Variants in VAV2 observed in about 807,000 individuals in gnomAD.
VAV2 encodes the protein vav guanine nucleotide exchange factor 2, also known as guanine nucleotide exchange factor VAV2.
A neutral mutation model predicts 132.5 loss-of-function variants in VAV2; 67 were observed. The ratio of observed to expected loss-of-function variants is 0.51; its 90% CI spans 0.42 to 0.62. The LOEUF (loss-of-function observed/expected upper bound fraction) is 0.62, where lower values mean the gene tolerates loss of function less well. VAV2 is among the 20% of genes least tolerant of loss of function. The pLI is 0.00. For missense variants in VAV2, 938 were observed against 1,153.6 expected (o/e 0.81, Z 2.71); for synonymous variants, 492 against 443.5 (o/e 1.11, Z -1.37).
chr9:133,944,808 C>G (rs947314808), intron 1 of VAV2, among the ~76,000 whole-genome samples: 1 of 152,256 alleles, frequency 6.6e-6, no homozygotes, highest in African/African-American at 2.4e-5. Flanking sequence ...CTGGACCATG[C>G]AGGAGGAGCG....
chr9:133,899,254 A>T (rs144946056), intron 2 of VAV2, among the ~76,000 whole-genome samples: 1 of 150,578 alleles, frequency 6.6e-6, no homozygotes, highest in East Asian at 2.1e-4. Flanking sequence ...GAGGAGACCC[A>T]TGGGGAGCTG....
intron 4 of VAV2, among the ~76,000 whole-genome samples, chr9:133,827,456 C>A (rs181832451): frequency 0.51 from 1,336 of 2,614 alleles, 491 homozygotes; most frequent in East Asian, 0.69. Context: ...GGCATCACCA[C>A]CTACCGCTGC....
rs1838607377 is a variant in VAV2, at chr9:133,884,120, C to T, written c.322-22688G>A. Among the ~76,000 whole-genome samples, 1 of 151,962 alleles carries T rather than the reference C, an allele frequency of 6.6e-6. No individual in the cohort carries two copies. The highest frequency in any genetic ancestry group is 2.1e-4 in the South Asian group (1 of 4,812). On this transcript the variant is annotated intron_variant, in intron 2 of 29. Coordinates refer to ENST00000371850, the MANE Select transcript of VAV2 (RefSeq NM_001134398.2). The surrounding 1 kb of genome is among the most constrained non-coding windows in gnomAD (Gnocchi z 5.3). ...TGAGCTGAGATTGCGCCACTGCATT[C>T]CAGCCTGGCAACAGCCAGACTCAGT...
intron 4 of VAV2, among the ~76,000 whole-genome samples, chr9:133,831,329 G>A (rs1836254022): frequency 6.6e-6 from 1 of 152,160 alleles, no homozygotes; most frequent in East Asian, 1.9e-4. Context: ...CCAGCTACTG[G>A]GGAGGCTGAG....
chr9:133,905,266 TAAA>T (rs35348134), intron 2 of VAV2, among the ~76,000 whole-genome samples: 1 of 145,266 alleles, frequency 6.9e-6, no homozygotes, highest in Non-Finnish European at 1.5e-5. Context: ...CCATCTCTAC[TAAA>T]AAAAAAAATA....
intron 1 of VAV2, among the ~76,000 whole-genome samples, chr9:133,951,573 C>G (rs1252936230): frequency 6.6e-6 from 1 of 152,168 alleles, no homozygotes; most frequent in African/African-American, 2.4e-5. Flanking sequence ...GAGCGCTAGA[C>G]TAGAACCCCT....
In VAV2 at chr9:133,822,357, C is replaced by CGAAG. The variant is rs1835824551; in HGVS notation, c.450-10142_450-10141insCTTC. Reference sequence around the variant, plus strand: ...GAGTCGGATGTTTCCTGACCTCCGTCCACACCTCAGGGTGCTTCATCCCCA... The same window carrying CGAAG: ...GAGTCGGATGTTTCCTGACCTCCGTCGAAGCACACCTCAGGGTGCTTCATCCCCA... On this transcript the variant is annotated intron_variant, in intron 4 of 29. Coordinates refer to ENST00000371850, the MANE Select transcript of VAV2 (RefSeq NM_001134398.2). Among the ~76,000 whole-genome samples the CGAAG allele has an allele frequency of 3.3e-5, 5 of 152,200 alleles. No homozygotes were observed. In the South Asian group the frequency reaches 1.0e-3, roughly 31 times the overall value.
At chr9:133,792,651 T>C (rs1291804982) in intron 12 of VAV2, among the ~76,000 whole-genome samples, 2 of 150,562 alleles carry the variant, frequency 1.3e-5, no homozygotes, top group African/African-American at 2.5e-5. Context: ...TGCACGCACA[T>C]ACATGCAGGA....
Position 133,769,341 on chromosome 9 carries a change from T to C in VAV2, c.2434+76A>G. Reference sequence around the variant, plus strand: ...ACGTCAGGCAGGGCTGTGGGGCCAGTGGGCAGCTCCGTGCTGGGTCTCCCA... The same window carrying C: ...ACGTCAGGCAGGGCTGTGGGGCCAGCGGGCAGCTCCGTGCTGGGTCTCCCA... On this transcript the variant is annotated intron_variant, in intron 28 of 29. Transcript: ENST00000371850. The surrounding 1 kb of genome is among the most constrained non-coding windows in gnomAD (Gnocchi z 8.1). The C allele has an allele frequency of 9.6e-6, 14 of 1,454,612 alleles. No homozygotes were observed. The highest frequency in any genetic ancestry group is 1.3e-5 in the Non-Finnish European group (14 of 1,074,448). The allele number at this position is 1,454,612 out of a possible 1,614,324, so 90.1% of individuals were successfully genotyped here.
Position 133,774,955 on chromosome 9 carries a change from C to T in VAV2, c.2115G>A (p.Glu705=). The change falls in exon 25 of 30, where the codon GAG becomes GAA. Residue 705 remains glutamate, a synonymous_variant. Transcript: ENST00000371850. ...CTTACTTGATGCTTATTGCAAAGCG[C>T]TCAGCCTCGGCAGGCCGCTCCCTGA... ...YLIRERPAEA[E]RFAISIKFND... is the part of the protein sequence containing the mutation. 1 of 1,613,184 alleles carries T rather than the reference C, an allele frequency of 6.2e-7. No homozygotes were observed. Among genetic ancestry groups the T allele is most frequent in the South Asian group, 1.1e-5 (1 of 91,048 alleles).
chr9:133,851,258 G>A (rs1244808796), intron 3 of VAV2, among the ~76,000 whole-genome samples: 2 of 152,176 alleles, frequency 1.3e-5, no homozygotes, highest in African/African-American at 4.8e-5. Context: ...GGTGGGTGCC[G>A]GGAGATCCCC....
chr9:133,943,652 G>C (rs1438984128), intron 1 of VAV2, among the ~76,000 whole-genome samples: 1 of 152,172 alleles, frequency 6.6e-6, no homozygotes, highest in Non-Finnish European at 1.5e-5. Context: ...GCGGCTATGG[G>C]GTCCCCACTG....
chr9:133,824,990 T>G lies in VAV2; in HGVS notation c.449+9282A>C, dbSNP rs1835928561. Reference sequence around the variant, plus strand: ...CATTCTGCCAGTCCCCACAGAGGCCTGGCCTCACAGAGTCACACCGAGGAG... The same window carrying G: ...CATTCTGCCAGTCCCCACAGAGGCCGGGCCTCACAGAGTCACACCGAGGAG... On this transcript the variant is annotated intron_variant, in intron 4 of 29. Transcript: ENST00000371850. The surrounding 1 kb of genome is among the most constrained non-coding windows in gnomAD (Gnocchi z 5.2). 6.6e-6 allele frequency among the ~76,000 whole-genome samples: 1 copy of G among 152,206 alleles called. No individual in the cohort carries two copies.
intron 23 of VAV2, among the ~76,000 whole-genome samples, chr9:133,777,127 G>A (rs1833843674): frequency 7.9e-5 from 12 of 152,114 alleles, no homozygotes; most frequent in Admixed American, 7.2e-4. Context: ...AGCTGCTGCA[G>A]AAATGCCTGT....
At chr9:133,786,121 G>A (rs776795690) in intron 16 of VAV2, 6 of 563,430 alleles carry the variant, frequency 1.1e-5, no homozygotes, top group Middle Eastern at 4.8e-4. Flanking sequence ...ATACCCTCAC[G>A]TGAGAATACA....
Position 133,769,737 on chromosome 9 carries a change from C to T in VAV2, c.2348-234G>A, listed in dbSNP as rs73550037. Among the ~76,000 whole-genome samples the T allele has an allele frequency of 0.04, 6,156 of 152,274 alleles. 242 individuals carry two copies. The highest frequency in any genetic ancestry group is 0.1 in the African/African-American group (4,242 of 41,544). The stretch of plus-strand genomic sequence containing the variant: ...GAACCACTCTATGCACCCGTGTACT[C>T]GAGAGCAAATTGGGACCACCTCCTC... On this transcript the variant is annotated intron_variant, in intron 27 of 29. Transcript: ENST00000371850. This position sits in a 1 kb window ranked among gnomAD's most constrained non-coding sequence, Gnocchi z 8.1.
intron 1 of VAV2, among the ~76,000 whole-genome samples, chr9:133,951,802 T>G (rs1339638034): frequency 6.6e-6 from 1 of 151,922 alleles, no homozygotes; most frequent in African/African-American, 2.4e-5. Context: ...ATGGGCAGAG[T>G]GAGGCTTCAG....
At chr9:133,973,407 A>AG (rs1842404770) in intron 1 of VAV2, among the ~76,000 whole-genome samples, 1 of 151,758 alleles carries the variant, frequency 6.6e-6, no homozygotes, top group South Asian at 2.1e-4. Context: ...CCCTCCCATG[A>AG]CCCCCGGGCA....
intron 1 of VAV2, among the ~76,000 whole-genome samples, chr9:133,989,568 C>T (rs2132319091): frequency 6.7e-6 from 1 of 150,126 alleles, no homozygotes; most frequent in Admixed American, 6.7e-5. Context: ...GCCGGTAGTC[C>T]CAGCTACTCA....
Sources: gnomAD v4.1 joint callset for allele counts (sites outside exome capture counted in the v4.1 genomes callset) on GRCh38, gnomAD v4.1.1 for gene constraint, Gnocchi (gnomAD v3.1) non-coding constraint, MANE v1.5 for transcripts, NCBI Gene and HGNC (gene_info 2026-07-23, HGNC 2026-07-21) for gene names.